Variants in FAT3 observed in about 807,000 individuals in gnomAD.
FAT3 encodes protocadherin Fat 3.
Under a neutral mutation model 310.2 loss-of-function variants are expected in FAT3, and 95 were observed. The ratio of observed to expected loss-of-function variants is 0.31; its 90% CI spans 0.26 to 0.36. The LOEUF (loss-of-function observed/expected upper bound fraction) is 0.36, where lower values mean the gene tolerates loss of function less well. Among genes scored for constraint, FAT3 ranks in the 10% least tolerant of loss-of-function variants. FAT3 has a pLI of 1.00. For synonymous variants in FAT3, 2,314 were observed against 2,192.9 expected, an observed-to-expected ratio of 1.06 and a Z score of -1.54; for missense variants, 5,408 against 5,715.6, an observed-to-expected ratio of 0.95 and a Z score of 1.74.
intron 3 of FAT3, among the ~76,000 whole-genome samples, chr11:92,558,284 T>A (rs1307502821): frequency 6.7e-6 from 1 of 149,388 alleles, no homozygotes; most frequent in Non-Finnish European, 1.5e-5. Flanking sequence ...AGAGGGAATT[T>A]TCCATTCCTG....
At chr11:92,523,352 A>T (rs957471962) in intron 2 of FAT3, among the ~76,000 whole-genome samples, 2 of 152,178 alleles carry the variant, frequency 1.3e-5, no homozygotes, top group Non-Finnish European at 2.9e-5. Flanking sequence ...GCCTACCACT[A>T]TGCAGAGTTC....
At chr11:92,459,579 A>G (rs531267032) in intron 2 of FAT3, among the ~76,000 whole-genome samples, 2 of 152,184 alleles carry the variant, frequency 1.3e-5, no homozygotes, top group Non-Finnish European at 2.9e-5. Flanking sequence ...TTCACTGCCT[A>G]TGCCTGGAAG....
At chr11:92,342,119 T>C (rs974867300) in intron 1 of FAT3, among the ~76,000 whole-genome samples, 2 of 152,214 alleles carry the variant, frequency 1.3e-5, no homozygotes, top group East Asian at 1.9e-4. Context: ...ACTGGTCCCA[T>C]GTGTAAACGT....
At chr11:92,805,014 G>A in intron 10 of FAT3, 139 bp from the exon 11 acceptor site, 1 of 722,096 alleles carries the variant, frequency 1.4e-6, no homozygotes, top group Non-Finnish European at 2.1e-6. Flanking sequence ...ATCAAAGGGA[G>A]TCTCAGTATC....
chr11:92,489,648 C>G (rs1380683312), intron 2 of FAT3, among the ~76,000 whole-genome samples: 1 of 152,088 alleles, frequency 6.6e-6, no homozygotes, highest in Non-Finnish European at 1.5e-5. Context: ...ACTTTAATAT[C>G]TTTCCAAATT....
At chr11:92,470,244 G>A (rs185593390) in intron 2 of FAT3, among the ~76,000 whole-genome samples, 208 of 152,222 alleles carry the variant, frequency 1.4e-3, no homozygotes, top group Middle Eastern at 6.8e-3. Context: ...ATAAGCAAAC[G>A]TTTCATAAAC....
chr11:92,860,329 T>A (rs560881831), intron 21 of FAT3, among the ~76,000 whole-genome samples: 5 of 152,204 alleles, frequency 3.3e-5, no homozygotes, highest in Non-Finnish European at 7.3e-5. Context: ...GAGGCCTGGA[T>A]CCCACACTCT....
chr11:92,370,176 A>G (rs1949146036), intron 2 of FAT3, among the ~76,000 whole-genome samples: 1 of 152,194 alleles, frequency 6.6e-6, no homozygotes, highest in Admixed American at 6.5e-5. Flanking sequence ...GTAATTTACT[A>G]TAAATAATCT....
At chr11:92,266,523 T>C (rs1945956709) in intron 1 of FAT3, among the ~76,000 whole-genome samples, 1 of 152,184 alleles carries the variant, frequency 6.6e-6, no homozygotes, top group South Asian at 2.1e-4. Flanking sequence ...TTTCATTCCT[T>C]TTATTAATTC....
chr11:92,376,193 G>T (rs1276097141), intron 2 of FAT3, among the ~76,000 whole-genome samples: 1 of 152,148 alleles, frequency 6.6e-6, no homozygotes, highest in African/African-American at 2.4e-5. Context: ...CTGAGTACTG[G>T]GATGTGGCAA....
intron 3 of FAT3, among the ~76,000 whole-genome samples, chr11:92,673,071 C>T (rs981735995): frequency 6.6e-6 from 1 of 152,178 alleles, no homozygotes; most frequent in Non-Finnish European, 1.5e-5. Flanking sequence ...TGGATTATTA[C>T]TAAAAACCAC....
At chr11:92,713,573 A>T (rs978135286) in intron 4 of FAT3, among the ~76,000 whole-genome samples, 1 of 152,150 alleles carries the variant, frequency 6.6e-6, no homozygotes, top group Non-Finnish European at 1.5e-5. Flanking sequence ...GGTACCCTGT[A>T]CTTTAATTTT....
chr11:92,525,970 A>T (rs1477345758), intron 3 of FAT3, among the ~76,000 whole-genome samples: 1 of 152,210 alleles, frequency 6.6e-6, no homozygotes, highest in African/African-American at 2.4e-5. Flanking sequence ...AAAGAAAATT[A>T]TTGATTTTCT....
At chr11:92,689,568 C>T (rs904199663) in intron 3 of FAT3, among the ~76,000 whole-genome samples, 3 of 152,088 alleles carry the variant, frequency 2.0e-5, no homozygotes, top group Non-Finnish European at 4.4e-5. Flanking sequence ...CTCATCTAGG[C>T]AGAATCGGAA....
intron 3 of FAT3, among the ~76,000 whole-genome samples, chr11:92,630,444 C>T: frequency 6.6e-6 from 1 of 152,172 alleles, no homozygotes; most frequent in Non-Finnish European, 1.5e-5. Flanking sequence ...CTGTGTCTTA[C>T]CTAAGCTTCA....
At chr11:92,451,883 G>A (rs527529844) in intron 2 of FAT3, among the ~76,000 whole-genome samples, 1 of 152,266 alleles carries the variant, frequency 6.6e-6, no homozygotes, top group Non-Finnish European at 1.5e-5. Context: ...AGCTATGATG[G>A]TGCCCCACAT....
chr11:92,541,679 G>T (rs1954453201), intron 3 of FAT3, among the ~76,000 whole-genome samples: 1 of 152,098 alleles, frequency 6.6e-6, no homozygotes, highest in African/African-American at 2.4e-5. Context: ...AACTGAAATG[G>T]TTAAAGACTT....
intron 1 of FAT3, among the ~76,000 whole-genome samples, chr11:92,340,501 T>C (rs1212089792): frequency 6.6e-6 from 1 of 152,210 alleles, no homozygotes; most frequent in African/African-American, 2.4e-5. Flanking sequence ...GTTTGAACCG[T>C]CTGCATTGGA....
intron 22 of FAT3, among the ~76,000 whole-genome samples, chr11:92,876,465 C>G (rs1391161305): frequency 6.6e-6 from 1 of 152,224 alleles, no homozygotes; most frequent in Non-Finnish European, 1.5e-5. Flanking sequence ...ACCCAGAGAC[C>G]TCAGGCTGGC....
Sources: allele counts gnomAD v4.1 joint callset (sites outside exome capture counted in the v4.1 genomes callset), GRCh38; gene constraint gnomAD v4.1.1; transcripts MANE v1.5; gene names NCBI Gene and HGNC (gene_info 2026-07-23, HGNC 2026-07-21).